DDX60: variants seen among roughly 807,000 people sequenced by gnomAD.
DDX60 encodes the protein probable ATP-dependent RNA helicase DDX60.
Under a neutral mutation model 212.8 loss-of-function variants are expected in DDX60, and 165 were observed. The ratio of observed to expected loss-of-function variants is 0.78; its 90% CI spans 0.68 to 0.88. The LOEUF is 0.88. Among genes scored for constraint, DDX60 ranks in the 40% least tolerant of loss-of-function variants. The probability of loss-of-function intolerance (pLI) is 0.00; values close to 1 mark genes in which losing one functional copy is unlikely to be tolerated. For synonymous variants in DDX60, 703 were observed against 685.3 expected (o/e 1.03, Z -0.40); for missense variants, 1,905 against 2,003.9 (o/e 0.95, Z 0.94).
chr4:168,281,727 T>A (rs375435945), intron 13 of DDX60, among the ~76,000 whole-genome samples: 1 of 152,220 alleles, frequency 6.6e-6, no homozygotes, highest in East Asian at 1.9e-4. Context: ...TCCACACTTC[T>A]GGTTAGTCAC....
At position 168,274,101 on chromosome 4, in the gene DDX60, C is replaced by G. The variant is rs767034994; in HGVS notation, c.2305-18G>C. The G allele has an allele frequency of 1.9e-5, 30 of 1,612,928 alleles. No individual in the cohort carries two copies. Among genetic ancestry groups the G allele is most frequent in the Non-Finnish European group, 2.5e-5 (30 of 1,179,484 alleles). Reference sequence around the variant, plus strand: ...AGCTCTCGCTGCAGGGTGCAGAGTACCATTCATGTCAAGAAACTGAACCGT... The same window carrying G: ...AGCTCTCGCTGCAGGGTGCAGAGTAGCATTCATGTCAAGAAACTGAACCGT... On this transcript the variant is annotated intron_variant, in intron 16 of 37. Transcript: ENST00000393743.
At chr4:168,314,133 G>A (rs1394112189) in intron 1 of DDX60, among the ~76,000 whole-genome samples, 2 of 152,106 alleles carry the variant, frequency 1.3e-5, no homozygotes, top group African/African-American at 2.4e-5. Context: ...CTATACTAAA[G>A]TAGGCTTACA....
intron 6 of DDX60, among the ~76,000 whole-genome samples, chr4:168,296,367 G>A (rs1736343540): frequency 6.6e-6 from 1 of 151,960 alleles, no homozygotes; most frequent in South Asian, 2.1e-4. Flanking sequence ...CTGAAAACAG[G>A]TTTGGGAAAG....
chr4:168,288,258 G>A lies in DDX60; in HGVS notation c.1099C>T (p.Leu367=), dbSNP rs1200174037. 2.7e-6 allele frequency: 4 copies of A among 1,505,490 alleles called. No homozygotes were observed. The highest frequency in any genetic ancestry group is 3.6e-6 in the Non-Finnish European group (4 of 1,098,926). 93.3% of individuals were successfully genotyped at this position (1,505,490 alleles called of 1,614,324 possible). ...AAGTCAGAAAGGTGAATTAAATTCA[G>A]ATTCCAAAATTCAAAAGTATGTATA... The part of the protein sequence containing the change: ...RNIHTFEFWN[L]NLIHLSDLND... The change falls in exon 9 of 38, where the codon CTG becomes TTG. Residue 367 remains leucine (L), a synonymous_variant. Transcript: ENST00000393743.
chr4:168,261,561 T>C lies in DDX60; in HGVS notation c.3273+439A>G, dbSNP rs1184812013. On this transcript the variant is annotated intron_variant, in intron 24 of 37. Transcript: ENST00000393743. Reference sequence around the variant, plus strand: ...AAACAAATATCTGTAACTTATATAATTCCAGGTAAAGTTTTAATACACAAA... The same window carrying C: ...AAACAAATATCTGTAACTTATATAACTCCAGGTAAAGTTTTAATACACAAA... 4.6e-5 allele frequency among the ~76,000 whole-genome samples: 7 copies of C among 152,310 alleles called. No individual in the cohort carries two copies. The East Asian group carries it at 1.2e-3, about 25-fold the overall frequency.
intron 13 of DDX60, among the ~76,000 whole-genome samples, chr4:168,282,611 A>G (rs1013010173): frequency 2.0e-5 from 3 of 152,106 alleles, no homozygotes; most frequent in Admixed American, 6.5e-5. Context: ...TCATCTTGAG[A>G]GAAACTTTTT....
At position 168,285,310 on chromosome 4, in the gene DDX60, C is replaced by T. The variant is rs781690504; in HGVS notation, c.1445+83G>A. ...CATACTACATGTAATGTACTCTAAT[C>T]GTCTGCATTTCAAATAATCCTCGTT... On this transcript the variant is annotated intron_variant, in intron 11 of 37. Coordinates refer to ENST00000393743, the MANE Select transcript of DDX60 (RefSeq NM_017631.6). 160 of 819,212 alleles carry T rather than the reference C, an allele frequency of 2.0e-4. 1 individual carries two copies. The highest frequency in any genetic ancestry group is 3.6e-4 in the South Asian group (23 of 63,028). 50.7% of individuals were successfully genotyped at this position (819,212 alleles called of 1,614,324 possible).
chr4:168,270,207 T>A (rs993499212), intron 19 of DDX60, among the ~76,000 whole-genome samples: 5 of 152,182 alleles, frequency 3.3e-5, no homozygotes, highest in Admixed American at 2.6e-4. Context: ...TCCTTAAATA[T>A]CTGCTGAGTA....
chr4:168,322,813 C>T (rs529937185), upstream of DDX60, among the ~76,000 whole-genome samples: 4 of 152,272 alleles, frequency 2.6e-5, no homozygotes, highest in South Asian at 2.1e-4. Flanking sequence ...AGGGCCACAC[C>T]GGGATGGAAC....
intron 1 of DDX60, among the ~76,000 whole-genome samples, chr4:168,314,942 T>C (rs1737299546): frequency 6.6e-6 from 1 of 152,098 alleles, no homozygotes; most frequent in Non-Finnish European, 1.5e-5. Flanking sequence ...CTTGTTAAAA[T>C]TGCAGAGCTC....
intron 25 of DDX60, 102 bp downstream of exon 25, chr4:168,260,763 T>TG: frequency 9.7e-7 from 1 of 1,031,212 alleles, no homozygotes; most frequent in Admixed American, 2.2e-5. Context: ...GACCATGGGC[T>TG]GGGCCAGTGA....
At chr4:168,323,160 T>C (rs1579101207), upstream of DDX60, among the ~76,000 whole-genome samples, 1 of 152,210 alleles carries the variant, frequency 6.6e-6, no homozygotes, top group African/African-American at 2.4e-5. Context: ...AATGCCTTTC[T>C]ATCCACTTAA....
Position 168,250,982 on chromosome 4 carries a change from T to A in DDX60, c.3830A>T (p.Glu1277Val). ...AMSFKEKQLV[E>V]ILFRKGYLRV... is the part of the protein sequence containing the mutation. Reference sequence around the variant, plus strand: ...AAGATATCCTTTTCTAAAGAGGATTTCAACTAATTGTTTTTCTTTGAAACT... The same window carrying A: ...AAGATATCCTTTTCTAAAGAGGATTACAACTAATTGTTTTTCTTTGAAACT... Residue 1277 changes from glutamate (E) to valine (V), a missense_variant, in exon 28 of 38, where the codon GAA (glutamate) becomes GTA (valine). Physicochemically the swap from Glu to Val is moderately radical, Grantham distance 121. Coordinates refer to ENST00000393743, the MANE Select transcript of DDX60 (RefSeq NM_017631.6). 6.2e-7 allele frequency: 1 copy of A among 1,605,100 alleles called. No homozygotes were observed. Among genetic ancestry groups the A allele is most frequent in the South Asian group, 1.1e-5 (1 of 88,486 alleles).
At chr4:168,232,757 C>G (rs1476636848) in intron 33 of DDX60, among the ~76,000 whole-genome samples, 2 of 152,154 alleles carry the variant, frequency 1.3e-5, no homozygotes, top group Middle Eastern at 3.4e-3. Flanking sequence ...CATAAAAATT[C>G]TGGAAGACAA....
intron 26 of DDX60, among the ~76,000 whole-genome samples, chr4:168,255,034 T>C (rs773130888): frequency 2.2e-4 from 34 of 152,158 alleles, no homozygotes; most frequent in Non-Finnish European, 3.8e-4. Flanking sequence ...AGATCATTTG[T>C]TGACTGGATT....
intron 29 of DDX60, among the ~76,000 whole-genome samples, chr4:168,247,628 G>C (rs558968361): frequency 1.3e-4 from 20 of 152,302 alleles, no homozygotes; most frequent in African/African-American, 4.3e-4. Flanking sequence ...GTAGAATAAG[G>C]AGAATGGAGA....
chr4:168,226,367 G>A (rs531134557), intron 33 of DDX60, among the ~76,000 whole-genome samples: 3 of 151,920 alleles, frequency 2.0e-5, no homozygotes, highest in African/African-American at 4.8e-5. Context: ...CATGAGGGTG[G>A]AGTCCTCATA....
intron 13 of DDX60, 136 bp from the exon 14 acceptor site, chr4:168,280,726 T>G (rs1375233025): frequency 2.9e-6 from 3 of 1,040,468 alleles, no homozygotes; most frequent in South Asian, 2.1e-5. Context: ...AAAAATTTCT[T>G]TTTTTCTTTT....
upstream of DDX60, among the ~76,000 whole-genome samples, chr4:168,322,733 C>T (rs976411): frequency 0.018 from 2,676 of 152,308 alleles, 43 homozygotes; most frequent in South Asian, 0.07. Flanking sequence ...GCACTTGACA[C>T]GGAAGTTTGA....
Sources: allele counts gnomAD v4.1 joint callset (sites outside exome capture counted in the v4.1 genomes callset), GRCh38; gene constraint gnomAD v4.1.1; transcripts MANE v1.5; gene names NCBI Gene and HGNC (gene_info 2026-07-23, HGNC 2026-07-21).